Variants in MAPK8IP3 observed in about 807,000 individuals in gnomAD.
MAPK8IP3 encodes the protein C-Jun-amino-terminal kinase-interacting protein 3.
MAPK8IP3 carries 49 observed loss-of-function variants against 157.8 expected under a neutral mutation model. That is an observed-to-expected ratio of 0.31 (90% CI 0.25 to 0.39). MAPK8IP3 has a LOEUF of 0.39. MAPK8IP3 is among the 10% of genes least tolerant of loss of function. The probability of loss-of-function intolerance (pLI) is 1.00; values close to 1 mark genes in which losing one functional copy is unlikely to be tolerated. For missense variants in MAPK8IP3, 1,478 were observed against 1,889.4 expected (o/e 0.78, Z 4.04); for synonymous variants, 897 against 777.7 (o/e 1.15, Z -2.55).
At chr16:1,738,509 ACCAT>A (rs1199308657) in intron 4 of MAPK8IP3, among the ~76,000 whole-genome samples, 17 of 86,730 alleles carry the variant, frequency 2.0e-4, no homozygotes, top group East Asian at 1.3e-3. Flanking sequence ...CGTGTGTGTG[ACCAT>A]CCATGTGAGC....
intron 1 of MAPK8IP3, among the ~76,000 whole-genome samples, chr16:1,720,859 C>T (rs979271514): frequency 1.3e-5 from 2 of 151,908 alleles, no homozygotes; most frequent in African/African-American, 4.8e-5. Context: ...ACGGTGAAAC[C>T]CCGTTTCTAC....
intron 28 of MAPK8IP3, 48 bp from the exon 29 acceptor site, chr16:1,768,021 C>A: frequency 2.5e-6 from 4 of 1,611,726 alleles, no homozygotes; most frequent in Non-Finnish European, 2.5e-6. Flanking sequence ...CTTGCTGCCC[C>A]TACGCTGACC....
intron 4 of MAPK8IP3, among the ~76,000 whole-genome samples, chr16:1,738,803 A>C (rs111218505): frequency 0.06 from 6,681 of 110,926 alleles, 345 homozygotes; most frequent in Middle Eastern, 0.11. Context: ...GAGTGTGACC[A>C]CCCATGTGAG....
rs1298887598 is a variant in MAPK8IP3, at chr16:1,762,999, C to T, written c.1891C>T (p.Pro631Ser). The T allele has an allele frequency of 1.2e-6, 2 of 1,612,796 alleles. No individual in the cohort carries two copies. The highest frequency in any genetic ancestry group is 8.5e-7 in the Non-Finnish European group (1 of 1,179,938). The change falls in exon 16 of 32, where the codon CCT (proline) becomes TCT (serine). Residue 631 changes from proline to serine, a missense_variant. Physicochemically the swap from Pro to Ser is moderately conservative, Grantham distance 74 (BLOSUM62 -1). Around this residue, in one of 11 missense-constraint regions of MAPK8IP3, gnomAD observed 669 missense variants for 759.8 expected, o/e 0.88. Transcript: ENST00000610761. ...AGGCAGCCGGCCCCTGGAATTCTTCCCTGACGAGTGAGTGTCCCGCAGCCC... is the reference window on the plus strand; with the variant it reads ...AGGCAGCCGGCCCCTGGAATTCTTCTCTGACGAGTGAGTGTCCCGCAGCCC... ...SAGSRPLEFFPDDDCTSSARR... is the reference protein window; with the variant it reads ...SAGSRPLEFFSDDDCTSSARR...
At chr16:1,717,034 G>A (rs2142298553) in intron 1 of MAPK8IP3, among the ~76,000 whole-genome samples, 1 of 151,946 alleles carries the variant, frequency 6.6e-6, no homozygotes, top group African/African-American at 2.4e-5. Context: ...ACTCCAGCCT[G>A]GGCAACAGAG....
At position 1,751,911 on chromosome 16, in the gene MAPK8IP3, T is replaced by C. The variant is rs1233632084; in HGVS notation, c.1216+3191T>C. 6.6e-6 allele frequency: 1 copy of C among 152,338 alleles called. No homozygotes were observed. Among genetic ancestry groups the C allele is most frequent in the Non-Finnish European group, 1.5e-5 (1 of 68,100 alleles). 9.4% of individuals were successfully genotyped at this position (152,338 alleles called of 1,614,324 possible). ...TCACTGCTGAGTAGTGCCCGTTGCA[T>C]GGACAGACCACGTTGTGCTCACCTG... On this transcript the variant is annotated intron_variant, in intron 8 of 31. Coordinates refer to ENST00000610761, the MANE Select transcript of MAPK8IP3 (RefSeq NM_001318852.2). This position sits in a 1 kb window ranked among gnomAD's most constrained non-coding sequence, Gnocchi z 5.0.
chr16:1,753,654 G>A (rs1424205661), intron 8 of MAPK8IP3, among the ~76,000 whole-genome samples: 1 of 151,208 alleles, frequency 6.6e-6, no homozygotes, highest in African/African-American at 2.4e-5. Flanking sequence ...TGTTAGCCAG[G>A]ATGGTCTCGA....
chr16:1,743,235 C>A lies in MAPK8IP3; in HGVS notation c.603-97C>A, dbSNP rs1473882529. 1 of 1,437,878 alleles carries A rather than the reference C, an allele frequency of 7.0e-7. No homozygotes were observed. The highest frequency in any genetic ancestry group is 9.1e-7 in the Non-Finnish European group (1 of 1,103,672). The allele number at this position is 1,437,878 out of a possible 1,614,324, so 89.1% of individuals were successfully genotyped here. A position where few individuals can be genotyped will look rare whatever the true frequency, so the allele number is the denominator to read the frequency against. On this transcript the variant is annotated intron_variant, in intron 4 of 31. Coordinates refer to ENST00000610761, the MANE Select transcript of MAPK8IP3 (RefSeq NM_001318852.2). The surrounding 1 kb of genome is among the most constrained non-coding windows in gnomAD (Gnocchi z 5.6). ...TGGGCTGCTGGCTGGCATGGAGCGG[C>A]CCCATCACTCGAGGTCTGCTTGCCC...
At chr16:1,738,726 T>A (rs1182818926) in intron 4 of MAPK8IP3, among the ~76,000 whole-genome samples, 2 of 134,518 alleles carry the variant, frequency 1.5e-5, no homozygotes, top group African/African-American at 5.8e-5. Context: ...CGTGTGAGTG[T>A]GACCACCCAT....
intron 4 of MAPK8IP3, among the ~76,000 whole-genome samples, chr16:1,735,386 G>C (rs563071416): frequency 1.3e-4 from 20 of 150,942 alleles, no homozygotes; most frequent in Middle Eastern, 3.5e-3. Context: ...GTGAGCGTTC[G>C]TGTGGAACGT....
chr16:1,719,688 C>T (rs56270312), intron 1 of MAPK8IP3, among the ~76,000 whole-genome samples: 2 of 127,900 alleles, frequency 1.6e-5, no homozygotes, highest in Non-Finnish European at 3.3e-5. Flanking sequence ...AAAAAAAAAA[C>T]CACAAAAATT....
In MAPK8IP3 at chr16:1,767,899, C is replaced by G; in HGVS notation, c.3504C>G (p.Ile1168Met). ...TGGGCACCGGCAACGGAGTGGTCAT[C>G]TCCATCCCCCTGACAGAGAGTGAGT... ...LWVGTGNGVV[I>M]SIPLTETVVL... Residue 1168 changes from isoleucine to methionine, a missense_variant, in exon 28 of 32, where the codon ATC becomes ATG. Around this residue, in one of 11 missense-constraint regions of MAPK8IP3, gnomAD observed 83 missense variants for 85.3 expected, o/e 0.97. Transcript: ENST00000610761. The G allele has an allele frequency of 6.2e-7, 1 of 1,611,258 alleles. No individual in the cohort carries two copies. Among genetic ancestry groups the G allele is most frequent in the Non-Finnish European group, 8.5e-7 (1 of 1,179,896 alleles).
At chr16:1,738,318 G>A (rs1397850275) in intron 4 of MAPK8IP3, among the ~76,000 whole-genome samples, 3 of 97,206 alleles carry the variant, frequency 3.1e-5, no homozygotes, top group South Asian at 6.4e-4. Context: ...CCGTCCGTGT[G>A]AGCATCCGTG....
intron 11 of MAPK8IP3, 108 bp from the exon 12 acceptor site, chr16:1,760,272 A>G (rs1477805425): frequency 7.0e-7 from 1 of 1,423,940 alleles, no homozygotes; most frequent in East Asian, 2.3e-5. Context: ...CACCTTCCTA[A>G]CCAGGCTGTG....
intron 13 of MAPK8IP3, among the ~76,000 whole-genome samples, chr16:1,761,514 G>A (rs929590081): frequency 9.7e-5 from 14 of 144,748 alleles, no homozygotes; most frequent in African/African-American, 3.4e-4. Flanking sequence ...AGGCGGGGCG[G>A]CCACCATTCA....
chr16:1,724,624 A>G lies in MAPK8IP3; in HGVS notation c.386A>G (p.Tyr129Cys). 7 of 1,613,674 alleles carry G rather than the reference A, an allele frequency of 4.3e-6. No individual in the cohort carries two copies. The highest frequency in any genetic ancestry group is 5.9e-6 in the Non-Finnish European group (7 of 1,179,992). ...GAGCTGCAAATCCAGGTGGAGCACT[A>G]CGAGTTCCAGACGCGCCAGCTGGAG... The part of the protein sequence containing the change: ...KKELQIQVEH[Y>C]EFQTRQLELK... The change falls in exon 2 of 32, where the codon TAC becomes TGC. Residue 129 changes from tyrosine to cysteine, a missense_variant. This residue lies in a region of MAPK8IP3 where 65 missense variants were observed against 161.8 expected (regional missense o/e 0.40). Transcript: ENST00000610761. This position sits in a 1 kb window ranked among gnomAD's most constrained non-coding sequence, Gnocchi z 4.1.
Position 1,751,206 on chromosome 16 carries a change from A to G in MAPK8IP3, c.1216+2486A>G, listed in dbSNP as rs2041269400. ...CACAGTGGCTCATGCCCGTAATCCC[A>G]GCACTTTGGGAGGCCGAGGCGGGTG... is the stretch of plus-strand genomic sequence containing the variant. On this transcript the variant is annotated intron_variant, in intron 8 of 31. Coordinates refer to ENST00000610761, the MANE Select transcript of MAPK8IP3 (RefSeq NM_001318852.2). This position sits in a 1 kb window ranked among gnomAD's most constrained non-coding sequence, Gnocchi z 5.0. 6.6e-6 allele frequency among the ~76,000 whole-genome samples: 1 copy of G among 151,968 alleles called. No homozygotes were observed. The highest frequency in any genetic ancestry group is 1.5e-5 in the Non-Finnish European group (1 of 67,992).
chr16:1,735,976 G>A (rs901560132), intron 4 of MAPK8IP3, among the ~76,000 whole-genome samples: 4 of 147,766 alleles, frequency 2.7e-5, no homozygotes, highest in African/African-American at 1.0e-4. Context: ...GCATCCGTGT[G>A]ACCGTCCATG....
rs1234740415 is a variant in MAPK8IP3, at chr16:1,706,489, G to A, written c.150G>A (p.Glu50=). The A allele has an allele frequency of 6.8e-6, 11 of 1,614,136 alleles. No homozygotes were observed. The South Asian group carries it at 7.7e-5, about 11-fold the overall frequency. ...GCCTCATCCACTGCTACGACGAGGA[G>A]GTGGTCAAGGAGCTCATGCCGCTGG... ...FERLIHCYDE[E]VVKELMPLVV... is the part of the protein sequence containing the mutation. Residue 50 remains glutamate, a synonymous_variant, in exon 1 of 32, where the codon GAG becomes GAA. Transcript: ENST00000610761. This position sits in a 1 kb window ranked among gnomAD's most constrained non-coding sequence, Gnocchi z 5.1.
Sources: allele counts gnomAD v4.1 joint callset (sites outside exome capture counted in the v4.1 genomes callset), GRCh38; gene constraint gnomAD v4.1.1; regional missense constraint gnomAD v4.1.1; non-coding constraint Gnocchi (gnomAD v3.1); transcripts MANE v1.5; gene names NCBI Gene and HGNC (gene_info 2026-07-23, HGNC 2026-07-21).